Variants in KAZN observed in about 807,000 individuals in gnomAD.
The protein encoded by KAZN is kazrin, periplakin interacting protein, also known as kazrin.
In KAZN, 40 loss-of-function variants were observed where a neutral mutation model predicts 87.4. The ratio of observed to expected loss-of-function variants is 0.46; its 90% CI spans 0.36 to 0.60. KAZN has a LOEUF of 0.60. Among genes scored for constraint, KAZN ranks in the 20% least tolerant of loss-of-function variants. The pLI is 0.00. For missense variants in KAZN, 898 were observed against 1,073.9 expected (o/e 0.84, Z 2.29); for synonymous variants, 466 against 458.3 (o/e 1.02, Z -0.22).
intron 1 of KAZN, among the ~76,000 whole-genome samples, chr1:14,751,963 T>A (rs1474697724): frequency 2.0e-5 from 3 of 152,242 alleles, no homozygotes; most frequent in Non-Finnish European, 2.9e-5. Flanking sequence ...TGGCTCACCC[T>A]TCTGCGTAAT....
chr1:14,421,841 G>T (rs1665448234), intron 2 of KAZN, among the ~76,000 whole-genome samples: 2 of 151,924 alleles, frequency 1.3e-5, no homozygotes, highest in South Asian at 4.2e-4. Flanking sequence ...CCCTCCCCCG[G>T]CCTCTTTCAC....
intron 2 of KAZN, among the ~76,000 whole-genome samples, chr1:14,232,044 C>G (rs577716845): frequency 2.6e-5 from 4 of 152,192 alleles, no homozygotes; most frequent in Non-Finnish European, 5.9e-5. Flanking sequence ...ATGGGTGGAA[C>G]TCAGGCTCAC....
chr1:15,027,118 G>T (rs1671253455), intron 2 of KAZN, among the ~76,000 whole-genome samples: 1 of 106,702 alleles, frequency 9.4e-6, no homozygotes, highest in Admixed American at 1.5e-4. Flanking sequence ...GTCTCGCTCT[G>T]TCGCCCAGGC....
chr1:14,466,403 C>A (rs1179683681), intron 2 of KAZN, among the ~76,000 whole-genome samples: 11 of 152,058 alleles, frequency 7.2e-5, no homozygotes, highest in African/African-American at 2.6e-4. Context: ...AACAGAAAAC[C>A]AAATGCTGCG....
At chr1:15,067,438 G>A in intron 8 of KAZN, 1 of 985,462 alleles carries the variant, frequency 1.0e-6, no homozygotes, top group Non-Finnish European at 1.2e-6. Context: ...AGGGGACGGA[G>A]GATGTGTGAG....
At chr1:14,502,975 C>T (rs547212198) in intron 2 of KAZN, among the ~76,000 whole-genome samples, 35 of 152,222 alleles carry the variant, frequency 2.3e-4, no homozygotes, top group African/African-American at 8.4e-4. Context: ...CTCTCCTGTG[C>T]TTCTTCTTGG....
intron 1 of KAZN, among the ~76,000 whole-genome samples, chr1:14,701,077 G>A (rs538680283): frequency 6.6e-6 from 1 of 152,298 alleles, no homozygotes; most frequent in East Asian, 1.9e-4. Flanking sequence ...CCCCCACCAT[G>A]CTCATTAGTG....
chr1:14,799,347 A>C (rs3845589), intron 1 of KAZN, among the ~76,000 whole-genome samples: 8,044 of 152,278 alleles, frequency 0.053, 278 homozygotes, highest in South Asian at 0.074. Flanking sequence ...TCATCTCTTC[A>C]TCCAGAAAGG....
At chr1:14,090,648 C>A (rs182385558) in intron 1 of KAZN, among the ~76,000 whole-genome samples, 1 of 152,274 alleles carries the variant, frequency 6.6e-6, no homozygotes, top group African/African-American at 2.4e-5. Context: ...TGTGACAATA[C>A]TTGCCTTAGA....
At chr1:14,617,929 C>T (rs1160236743) in intron 1 of KAZN, among the ~76,000 whole-genome samples, 4 of 152,228 alleles carry the variant, frequency 2.6e-5, no homozygotes, top group South Asian at 2.1e-4. Context: ...CTGCTATCTG[C>T]GCTCACCTTA....
At chr1:14,213,505 G>A (rs550143860) in intron 2 of KAZN, among the ~76,000 whole-genome samples, 1 of 152,298 alleles carries the variant, frequency 6.6e-6, no homozygotes, top group East Asian at 1.9e-4. Context: ...CAAGTGCAAA[G>A]GTCTTAAGGT....
Position 14,388,703 on chromosome 1 carries a change from A to C in KAZN, c.249+208111A>C, listed in dbSNP as rs182365961. On this transcript the variant is annotated intron_variant, in intron 2 of 16. Transcript: ENST00000636203. ...AAAAATATACAAAAATCAAATCAAG[A>C]AGAATTACAGACTTAAATATAAGAC... is the stretch of plus-strand genomic sequence containing the variant. Among the ~76,000 whole-genome samples the C allele has an allele frequency of 5.9e-5, 9 of 152,314 alleles. No individual in the cohort carries two copies. The East Asian group carries it at 1.5e-3, about 26-fold the overall frequency.
At chr1:14,710,128 A>T (rs1182680591) in intron 1 of KAZN, among the ~76,000 whole-genome samples, 1 of 152,192 alleles carries the variant, frequency 6.6e-6, no homozygotes, top group Non-Finnish European at 1.5e-5. Context: ...GAAACAGATA[A>T]TAAACAATGA....
chr1:14,194,126 G>A (rs1223482487), intron 2 of KAZN, among the ~76,000 whole-genome samples: 6 of 152,110 alleles, frequency 3.9e-5, no homozygotes, highest in African/African-American at 1.2e-4. Flanking sequence ...TTATTAGAAT[G>A]GAGGAGCACT....
intron 1 of KAZN, among the ~76,000 whole-genome samples, chr1:14,792,090 G>A (rs887335623): frequency 6.6e-6 from 1 of 152,182 alleles, no homozygotes; most frequent in African/African-American, 2.4e-5. Context: ...GCCTGCTGAT[G>A]TCAGATGGAA....
chr1:14,138,247 G>A (rs991542765), intron 1 of KAZN, among the ~76,000 whole-genome samples: 7 of 152,040 alleles, frequency 4.6e-5, no homozygotes, highest in Admixed American at 6.5e-5. Context: ...TGGTTGACTC[G>A]GAAGCTCAGT....
intron 2 of KAZN, among the ~76,000 whole-genome samples, chr1:14,274,134 A>T (rs74057136): frequency 0.042 from 6,461 of 152,260 alleles, 480 homozygotes; most frequent in African/African-American, 0.15. Context: ...GAGAAAGGAC[A>T]TGGGTTGTGA....
At chr1:14,514,385 T>A (rs556794570) in intron 2 of KAZN, among the ~76,000 whole-genome samples, 16 of 19,806 alleles carry the variant, frequency 8.1e-4, no homozygotes, top group African/African-American at 2.2e-3. Context: ...AATATATATA[T>A]ATTATATATA....
chr1:14,714,579 A>G (rs1202470049), intron 1 of KAZN, among the ~76,000 whole-genome samples: 1 of 151,964 alleles, frequency 6.6e-6, no homozygotes, highest in Non-Finnish European at 1.5e-5. Flanking sequence ...GCTCTTCCCC[A>G]CTTCAAGCAA....
Sources: allele counts gnomAD v4.1 joint callset (sites outside exome capture counted in the v4.1 genomes callset), GRCh38; gene constraint gnomAD v4.1.1; transcripts MANE v1.5; gene names NCBI Gene and HGNC (gene_info 2026-07-23, HGNC 2026-07-21).